The following CNTNAP2 variants were observed in gnomAD, a reference collection of about 807,000 sequenced individuals.
CNTNAP2 encodes the protein contactin-associated protein-like 2.
In CNTNAP2, 98 loss-of-function variants were observed where a neutral mutation model predicts 155.2. The observed-to-expected ratio is 0.63, with a 90% CI of 0.54 to 0.75. The LOEUF (loss-of-function observed/expected upper bound fraction) is 0.75, where lower values mean the gene tolerates loss of function less well. CNTNAP2 is among the 30% of genes least tolerant of loss of function. The pLI, the probability that CNTNAP2 is intolerant of heterozygous loss-of-function variation, is 0.00. For missense variants in CNTNAP2, 1,727 were observed against 1,688.1 expected, an observed-to-expected ratio of 1.02 and a Z score of -0.40; for synonymous variants, 651 against 631.2, an observed-to-expected ratio of 1.03 and a Z score of -0.47.
In CNTNAP2 at chr7:148,026,460, T is replaced by C. The variant is rs1043590092; in HGVS notation, c.2383+48471T>C. ...AACAAGACCCCGTCTCAAAAATATA[T>C]ATATGTTTTATACTTCTCACTATAG... On this transcript the variant is annotated intron_variant, in intron 15 of 23. Coordinates refer to ENST00000361727, the MANE Select transcript of CNTNAP2 (RefSeq NM_014141.6). 4.6e-5 allele frequency among the ~76,000 whole-genome samples: 7 copies of C among 152,008 alleles called. No homozygotes were observed. The South Asian group carries it at 1.5e-3, about 31-fold the overall frequency.
At chr7:146,411,827 C>CTTAT (rs1345525908) in intron 1 of CNTNAP2, among the ~76,000 whole-genome samples, 7 of 143,256 alleles carry the variant, frequency 4.9e-5, no homozygotes, top group Non-Finnish European at 1.1e-4. Flanking sequence ...TATTTATTTA[C>CTTAT]TTATTTATTT....
At chr7:146,870,911 G>T (rs1049005758) in intron 3 of CNTNAP2, among the ~76,000 whole-genome samples, 1 of 152,010 alleles carries the variant, frequency 6.6e-6, no homozygotes, top group African/African-American at 2.4e-5. Flanking sequence ...AAATGTTTAG[G>T]AAAAATGAAT....
chr7:146,543,637 A>G (rs999772889), intron 1 of CNTNAP2, among the ~76,000 whole-genome samples: 3 of 151,974 alleles, frequency 2.0e-5, no homozygotes, highest in African/African-American at 7.2e-5. Flanking sequence ...GATCAACAAG[A>G]TCACACAGCT....
chr7:147,268,727 A>T (rs1018909506), intron 8 of CNTNAP2, among the ~76,000 whole-genome samples: 1 of 152,306 alleles, frequency 6.6e-6, no homozygotes, highest in East Asian at 1.9e-4. Flanking sequence ...TTGATTTCAG[A>T]TACACTGAGT....
intron 1 of CNTNAP2, among the ~76,000 whole-genome samples, chr7:146,426,857 A>G (rs1321497978): frequency 7.2e-6 from 1 of 139,036 alleles, no homozygotes; most frequent in Non-Finnish European, 1.5e-5. Flanking sequence ...TTCTTACTGC[A>G]CACACACACA....
intron 21 of CNTNAP2, among the ~76,000 whole-genome samples, chr7:148,338,100 A>G (rs10277969): frequency 0.26 from 39,672 of 151,902 alleles, 5,249 homozygotes; most frequent in South Asian, 0.37. Flanking sequence ...CTCATCCTGT[A>G]CTTCCAGCCC....
At chr7:147,189,748 T>TTTGTTG (rs10671638) in intron 8 of CNTNAP2, among the ~76,000 whole-genome samples, 3 of 151,526 alleles carry the variant, frequency 2.0e-5, no homozygotes, top group African/African-American at 4.8e-5. Flanking sequence ...ACCACTTTTT[T>TTTGTTG]TTGTTGTTGT....
intron 9 of CNTNAP2, among the ~76,000 whole-genome samples, chr7:147,371,122 G>C (rs369524250): frequency 1.2e-4 from 18 of 151,998 alleles, no homozygotes; most frequent in African/African-American, 3.9e-4. Flanking sequence ...CAATCCAAAC[G>C]CCCTCCTATT....
chr7:147,300,360 A>G, intron 9 of CNTNAP2, 70 bp downstream of exon 9: 4 of 1,562,156 alleles, frequency 2.6e-6, no homozygotes, highest in Non-Finnish European at 3.5e-6. Flanking sequence ...AAGTTTGATT[A>G]TGAAGTATTT....
chr7:147,833,785 A>G (rs1471077310), intron 13 of CNTNAP2, among the ~76,000 whole-genome samples: 3 of 152,182 alleles, frequency 2.0e-5, no homozygotes, highest in Admixed American at 6.5e-5. Flanking sequence ...AAGCTCTGTT[A>G]GGCAAGGGGT....
chr7:147,617,608 G>T (rs1801317414), intron 12 of CNTNAP2, among the ~76,000 whole-genome samples: 1 of 152,008 alleles, frequency 6.6e-6, no homozygotes, highest in South Asian at 2.1e-4. Context: ...TTTTATGCTT[G>T]GTTTGCCACC....
At chr7:146,742,879 A>AT (rs1156697862) in intron 1 of CNTNAP2, among the ~76,000 whole-genome samples, 1 of 152,148 alleles carries the variant, frequency 6.6e-6, no homozygotes, top group East Asian at 1.9e-4. Context: ...ATGTACAAAT[A>AT]TTTTAAAGCT....
intron 1 of CNTNAP2, among the ~76,000 whole-genome samples, chr7:146,264,638 G>C (rs191038327): frequency 6.6e-6 from 1 of 152,240 alleles, no homozygotes; most frequent in Admixed American, 6.5e-5. Flanking sequence ...ATAGCACGTG[G>C]GGTTATCTGA....
At chr7:147,123,899 A>G (rs1346229871) in intron 6 of CNTNAP2, among the ~76,000 whole-genome samples, 1 of 152,098 alleles carries the variant, frequency 6.6e-6, no homozygotes, top group Non-Finnish European at 1.5e-5. Flanking sequence ...AAAATTAGCC[A>G]GGCATGGTGG....
intron 2 of CNTNAP2, among the ~76,000 whole-genome samples, chr7:146,788,138 C>T (rs1358508760): frequency 6.6e-6 from 1 of 152,180 alleles, no homozygotes; most frequent in African/African-American, 2.4e-5. Context: ...GAGCTTGTCC[C>T]CCAAACAAGC....
chr7:146,468,792 G>A (rs951818392), intron 1 of CNTNAP2, among the ~76,000 whole-genome samples: 11 of 152,118 alleles, frequency 7.2e-5, no homozygotes, highest in African/African-American at 2.7e-4. Context: ...TGGGAATCTG[G>A]AAGGAGTTTA....
intron 13 of CNTNAP2, among the ~76,000 whole-genome samples, chr7:147,886,536 C>T (rs997300602): frequency 1.4e-5 from 2 of 139,886 alleles, no homozygotes; most frequent in Admixed American, 7.4e-5. Flanking sequence ...CTCTTGAAGT[C>T]GTAAGTCCCA....
chr7:146,622,171 G>GTA (rs1264532461), intron 1 of CNTNAP2, among the ~76,000 whole-genome samples: 15 of 146,850 alleles, frequency 1.0e-4, no homozygotes, highest in East Asian at 6.0e-4. Context: ...ATACACACAC[G>GTA]TATATATATA....
chr7:146,219,497 T>C (rs1385642792), intron 1 of CNTNAP2, among the ~76,000 whole-genome samples: 2 of 152,202 alleles, frequency 1.3e-5, no homozygotes, highest in Admixed American at 1.3e-4. Flanking sequence ...GGCTAATTAT[T>C]GTAAACTTTT....
Sources: gnomAD v4.1 joint callset for allele counts (sites outside exome capture counted in the v4.1 genomes callset) on GRCh38, gnomAD v4.1.1 for gene constraint, MANE v1.5 for transcripts, NCBI Gene and HGNC (gene_info 2026-07-23, HGNC 2026-07-21) for gene names.